Variants in ITPR1 observed in about 807,000 individuals in gnomAD.
ITPR1 encodes the protein inositol 1,4,5-trisphosphate receptor type 1.
A neutral mutation model predicts 318.4 loss-of-function variants in ITPR1; 96 were observed. That is an observed-to-expected ratio of 0.30 (90% confidence interval 0.26 to 0.36). ITPR1 has a LOEUF of 0.36. Ranked by LOEUF, ITPR1 falls within the 10% of genes least tolerant of loss-of-function variation. The pLI, the probability that ITPR1 is intolerant of heterozygous loss-of-function variation, is 1.00. For synonymous variants in ITPR1, 1,312 were observed against 1,289.9 expected (o/e 1.02, Z -0.37); for missense variants, 2,440 against 3,460.2 (o/e 0.71, Z 7.40).
intron 4 of ITPR1, among the ~76,000 whole-genome samples, chr3:4,544,734 G>C (rs144365196): frequency 6.6e-6 from 1 of 152,322 alleles, no homozygotes; most frequent in East Asian, 1.9e-4. Flanking sequence ...TCCCTTTTAA[G>C]TGATGGCGTT....
At chr3:4,520,897 T>G (rs2082512916) in intron 3 of ITPR1, 127 bp from the exon 4 acceptor site, 2 of 727,426 alleles carry the variant, frequency 2.7e-6, no homozygotes, top group East Asian at 5.5e-5. Flanking sequence ...GTGTAAAGAG[T>G]TCCTGGCAGG....
In ITPR1 at chr3:4,723,591, A is replaced by G. The variant is rs77958091; in HGVS notation, c.5137-1955A>G. Among the ~76,000 whole-genome samples the G allele has an allele frequency of 4.0e-3, 611 of 152,000 alleles. 11 individuals carry two copies. Among genetic ancestry groups the G allele is most frequent in the Middle Eastern group, 0.02 (6 of 294 alleles). ...ATTAAGAAATAGATATATACTACCTATTTCTATTCTGAAAGAATTCAAGAT... is the reference window on the plus strand; with the variant it reads ...ATTAAGAAATAGATATATACTACCTGTTTCTATTCTGAAAGAATTCAAGAT... On this transcript the variant is annotated intron_variant, in intron 40 of 61. Coordinates refer to ENST00000649015, the MANE Select transcript of ITPR1 (RefSeq NM_001378452.1).
intron 4 of ITPR1, among the ~76,000 whole-genome samples, chr3:4,592,840 C>A (rs984267257): frequency 1.3e-5 from 2 of 152,132 alleles, no homozygotes; most frequent in Non-Finnish European, 2.9e-5. Context: ...CACAGGCCCA[C>A]CTTTGGAGCA....
chr3:4,653,844 A>C lies in ITPR1; in HGVS notation c.954A>C (p.Val318=). 1 of 1,608,322 alleles carries C rather than the reference A, an allele frequency of 6.2e-7. No homozygotes were observed. The highest frequency in any genetic ancestry group is 8.5e-7 in the Non-Finnish European group (1 of 1,175,920). ...LATGHYLAAE[V]DPDFEEECLE... ...TCCTAATGATTCTTTTTCATCAGGT[A>C]GACCCTGACTTTGAGGAAGAATGCC... Residue 318 remains valine (V), a splice_region_variant and synonymous_variant, in exon 12 of 62, where the codon GTA becomes GTC. Transcript: ENST00000649015.
rs550833823 is a variant in ITPR1, at chr3:4,734,512, G to A, written c.5354-652G>A. 1.1e-4 allele frequency among the ~76,000 whole-genome samples: 17 copies of A among 152,282 alleles called. No homozygotes were observed. The East Asian group carries it at 3.3e-3, about 29-fold the overall frequency. ...CTGATCAGCCCATTTCTCCATGTGC[G>A]TTCATGGTTTAGTTATTGCCAATAG... On this transcript the variant is annotated intron_variant, in intron 43 of 61. Transcript: ENST00000649015.
chr3:4,836,163 T>G (rs1471030315), intron 60 of ITPR1, among the ~76,000 whole-genome samples: 1 of 152,140 alleles, frequency 6.6e-6, no homozygotes, highest in Non-Finnish European at 1.5e-5. Context: ...CCCAGTATAA[T>G]GCATTTTAAA....
intron 4 of ITPR1, among the ~76,000 whole-genome samples, chr3:4,583,314 G>A (rs1313169239): frequency 6.6e-6 from 1 of 151,316 alleles, no homozygotes; most frequent in Non-Finnish European, 1.5e-5. Flanking sequence ...GTAGACTTGG[G>A]AAAAAAAAGT....
At chr3:4,708,837 C>T (rs1043564089) in intron 37 of ITPR1, among the ~76,000 whole-genome samples, 1 of 152,208 alleles carries the variant, frequency 6.6e-6, no homozygotes, top group African/African-American at 2.4e-5. Context: ...CACTCGCAAA[C>T]AGACCACTTC....
chr3:4,613,518 T>G lies in ITPR1; in HGVS notation c.164-14245T>G, dbSNP rs983541979. Among the ~76,000 whole-genome samples, 5 of 152,176 alleles carry G rather than the reference T, an allele frequency of 3.3e-5. No homozygotes were observed. The East Asian group carries it at 9.6e-4, about 29-fold the overall frequency. ...AGGCACTTGTCCTTGGGCCAGGGAA[T>G]GCTCATTGCCTGAGTTTCCTGTGGG... On this transcript the variant is annotated intron_variant, in intron 4 of 61. Coordinates refer to ENST00000649015, the MANE Select transcript of ITPR1 (RefSeq NM_001378452.1).
intron 4 of ITPR1, among the ~76,000 whole-genome samples, chr3:4,612,519 C>G (rs1341784660): frequency 6.6e-6 from 1 of 152,112 alleles, no homozygotes; most frequent in East Asian, 1.9e-4. Context: ...TATATCCCCC[C>G]ACTTCTGTCC....
intron 49 of ITPR1, among the ~76,000 whole-genome samples, chr3:4,780,852 A>C (rs17041415): frequency 0.026 from 4,013 of 152,252 alleles, 104 homozygotes; most frequent in South Asian, 0.049. Flanking sequence ...AGGAATCAAG[A>C]ACATGCCCCA....
At chr3:4,788,161 A>G in intron 52 of ITPR1, 22 bp downstream of exon 52, 2 of 1,571,568 alleles carry the variant, frequency 1.3e-6, no homozygotes, top group East Asian at 2.3e-5. Flanking sequence ...CGCATCAGCA[A>G]CAACACAGAG....
intron 4 of ITPR1, among the ~76,000 whole-genome samples, chr3:4,579,652 C>A (rs1380372813): frequency 2.0e-5 from 3 of 152,126 alleles, no homozygotes; most frequent in Non-Finnish European, 4.4e-5. Flanking sequence ...TGCTTCCTTT[C>A]CGTAGGAAAG....
chr3:4,498,500 G>T (rs948933115), intron 2 of ITPR1, among the ~76,000 whole-genome samples: 2 of 152,168 alleles, frequency 1.3e-5, no homozygotes, highest in Non-Finnish European at 2.9e-5. Context: ...ACCAGATTTT[G>T]CAGGTCAACA....
In ITPR1 at chr3:4,717,376, A is replaced by G. The variant is rs760338353; in HGVS notation, c.5113A>G (p.Ile1705Val). 18 of 1,595,486 alleles carry G rather than the reference A, an allele frequency of 1.1e-5. No individual in the cohort carries two copies. The African/African-American group carries it at 1.3e-4, about 12-fold the overall frequency. The change falls in exon 40 of 62, where the codon ATT (isoleucine) becomes GTT (valine). Residue 1705 changes from isoleucine (I) to valine (V), a missense_variant. Around this residue, in one of 23 missense-constraint regions of ITPR1, gnomAD observed 166 missense variants for 143.7 expected, o/e 1.16. Transcript: ENST00000649015. ...DRGYGEKLISIDELDNAELPP... is the reference protein window; with the variant it reads ...DRGYGEKLISVDELDNAELPP... The stretch of plus-strand genomic sequence containing the variant: ...CTTTTTTCTTTTCCAGCTAATTTCC[A>G]TTGATGAATTGGATAATGCTGAGGT...
chr3:4,605,089 A>G (rs2091607231), intron 4 of ITPR1, among the ~76,000 whole-genome samples: 1 of 151,890 alleles, frequency 6.6e-6, no homozygotes, highest in Admixed American at 6.6e-5. Flanking sequence ...CTCCTGTCTC[A>G]GCCTCCCTGG....
intron 46 of ITPR1, among the ~76,000 whole-genome samples, chr3:4,772,258 G>A (rs1157984290): frequency 6.6e-6 from 1 of 152,262 alleles, no homozygotes; most frequent in Non-Finnish European, 1.5e-5. Context: ...TAAGGAGAGA[G>A]TGTTCAGCTT....
intron 5 of ITPR1, among the ~76,000 whole-genome samples, chr3:4,633,900 T>C (rs1376059211): frequency 6.6e-6 from 1 of 152,248 alleles, no homozygotes; most frequent in East Asian, 1.9e-4. Flanking sequence ...CTTGCTTCAA[T>C]ATCGCATTAC....
intron 40 of ITPR1, 97 bp downstream of exon 40, chr3:4,717,496 C>A (rs762321553): frequency 2.1e-6 from 2 of 971,214 alleles, no homozygotes; most frequent in Non-Finnish European, 3.3e-6. Flanking sequence ...AGTCTCACAG[C>A]GTCGAGTATC....
Sources: allele counts gnomAD v4.1 joint callset (sites outside exome capture counted in the v4.1 genomes callset), GRCh38; gene constraint gnomAD v4.1.1; regional missense constraint gnomAD v4.1.1; transcripts MANE v1.5; gene names NCBI Gene and HGNC (gene_info 2026-07-23, HGNC 2026-07-21).